The following KCNQ3 variants were observed in gnomAD, a reference collection of about 807,000 sequenced individuals.
The protein encoded by KCNQ3 is potassium voltage-gated channel subfamily Q member 3.
A neutral mutation model predicts 92.5 loss-of-function variants in KCNQ3; 30 were observed. The observed-to-expected ratio is 0.32, with a 90% CI of 0.24 to 0.44. The LOEUF (loss-of-function observed/expected upper bound fraction) is 0.44. Ranked by LOEUF, KCNQ3 falls within the 20% of genes least tolerant of loss-of-function variation. KCNQ3 has a pLI of 1.00. For missense variants in KCNQ3, 913 were observed against 1,140.3 expected, an observed-to-expected ratio of 0.80 and a Z score of 2.87; for synonymous variants, 450 against 468.8, an observed-to-expected ratio of 0.96 and a Z score of 0.52.
intron 1 of KCNQ3, among the ~76,000 whole-genome samples, chr8:132,461,606 A>G (rs1822063697): frequency 6.6e-6 from 1 of 152,218 alleles, no homozygotes; most frequent in Non-Finnish European, 1.5e-5. Context: ...ACTGCCTTCC[A>G]GGGTGCCTGT....
chr8:132,415,623 C>T (rs1030976440), intron 1 of KCNQ3, among the ~76,000 whole-genome samples: 4 of 152,242 alleles, frequency 2.6e-5, no homozygotes, highest in Admixed American at 2.0e-4. Context: ...TCTCTGACTA[C>T]GAATGTCTCA....
At chr8:132,306,863 A>G (rs1034664507) in intron 1 of KCNQ3, among the ~76,000 whole-genome samples, 1 of 152,160 alleles carries the variant, frequency 6.6e-6, no homozygotes, top group Non-Finnish European at 1.5e-5. Context: ...ATTTTTTTAT[A>G]TCTTAAGTTG....
At chr8:132,138,682 G>A (rs891249705) in intron 11 of KCNQ3, among the ~76,000 whole-genome samples, 1 of 152,118 alleles carries the variant, frequency 6.6e-6, no homozygotes, top group Non-Finnish European at 1.5e-5. Context: ...GTTAACTTCT[G>A]TTGAGCACAG....
At position 132,129,483 on chromosome 8, in the gene KCNQ3, G is replaced by A. The variant is rs1263025120; in HGVS notation, c.2398C>T (p.Leu800=). ...LSLMSVNHEE[L]ERSPSGFSIS... is the part of the protein sequence containing the mutation. ...CTGAAGCCACTTGGAGACCTCTCCA[G>A]CTCCTCGTGGTTGACCGACATCAGG... The change falls in exon 15 of 15, where the codon CTG becomes TTG. Residue 800 remains leucine (L), a synonymous_variant. Coordinates refer to ENST00000388996, the MANE Select transcript of KCNQ3 (RefSeq NM_004519.4). This position sits in a 1 kb window ranked among gnomAD's most constrained non-coding sequence, Gnocchi z 5.9. The A allele has an allele frequency of 3.1e-6, 5 of 1,614,072 alleles. No individual in the cohort carries two copies. In the African/African-American group the frequency reaches 5.3e-5, roughly 17 times the overall value.
At chr8:132,297,536 T>C (rs112684531) in intron 1 of KCNQ3, among the ~76,000 whole-genome samples, 3 of 152,358 alleles carry the variant, frequency 2.0e-5, no homozygotes, top group African/African-American at 7.2e-5. Context: ...CCTAGAGCCT[T>C]TCCCACTACA....
At chr8:132,366,338 G>T (rs1477811159) in intron 1 of KCNQ3, among the ~76,000 whole-genome samples, 2 of 152,010 alleles carry the variant, frequency 1.3e-5, no homozygotes, top group African/African-American at 2.4e-5. Flanking sequence ...TCTCTTAGTA[G>T]TACATTTTAC....
intron 1 of KCNQ3, among the ~76,000 whole-genome samples, chr8:132,186,803 T>G (rs58750092): frequency 0.07 from 10,694 of 152,166 alleles, 538 homozygotes; most frequent in African/African-American, 0.13. Flanking sequence ...AGAATGCTGG[T>G]CCTTTAAAAT....
At chr8:132,473,616 T>C (rs1014079216) in intron 1 of KCNQ3, among the ~76,000 whole-genome samples, 6 of 152,224 alleles carry the variant, frequency 3.9e-5, no homozygotes, top group Non-Finnish European at 8.8e-5. Context: ...TGAATGCTTC[T>C]TCCATGTAAA....
intron 1 of KCNQ3, among the ~76,000 whole-genome samples, chr8:132,366,097 T>C (rs1819315807): frequency 6.6e-6 from 1 of 152,238 alleles, no homozygotes; most frequent in African/African-American, 2.4e-5. Context: ...ACCTTTATCT[T>C]GCTGAGGCTT....
intron 1 of KCNQ3, among the ~76,000 whole-genome samples, chr8:132,373,383 A>G (rs1819527086): frequency 6.6e-6 from 1 of 152,166 alleles, no homozygotes. Flanking sequence ...TTAAAACGCT[A>G]CCAGATATTA....
chr8:132,194,786 C>T (rs543324395), intron 1 of KCNQ3, among the ~76,000 whole-genome samples: 2 of 152,298 alleles, frequency 1.3e-5, no homozygotes, highest in East Asian at 3.9e-4. Context: ...TAAGAAGGAC[C>T]TATTATTCTT....
At chr8:132,145,446 A>T (rs1825423013) in intron 9 of KCNQ3, among the ~76,000 whole-genome samples, 3 of 152,246 alleles carry the variant, frequency 2.0e-5, no homozygotes, top group Admixed American at 6.5e-5. Context: ...TCTGTAGTTT[A>T]TATTTCACTT....
intron 1 of KCNQ3, among the ~76,000 whole-genome samples, chr8:132,263,352 TG>T (rs1815855223): frequency 6.6e-6 from 1 of 152,218 alleles, no homozygotes; most frequent in East Asian, 1.9e-4. Flanking sequence ...TCTCTGGGCC[TG>T]GGGCCCTGAT....
intron 1 of KCNQ3, among the ~76,000 whole-genome samples, chr8:132,339,871 T>G (rs1268597376): frequency 1.3e-5 from 2 of 151,268 alleles, no homozygotes; most frequent in African/African-American, 4.9e-5. Context: ...ATTGGAAGAT[T>G]TATAAACCCA....
At chr8:132,444,216 G>A (rs1821615928) in intron 1 of KCNQ3, among the ~76,000 whole-genome samples, 1 of 152,138 alleles carries the variant, frequency 6.6e-6, no homozygotes, top group South Asian at 2.1e-4. Context: ...TTTATCTCAT[G>A]TGATTTAGCT....
At chr8:132,281,816 G>A (rs1214686901) in intron 1 of KCNQ3, among the ~76,000 whole-genome samples, 2 of 152,100 alleles carry the variant, frequency 1.3e-5, no homozygotes, top group Admixed American at 6.6e-5. Flanking sequence ...ACTGCCTACG[G>A]GGTGGAGCCC....
chr8:132,253,160 A>C (rs556386348), intron 1 of KCNQ3, among the ~76,000 whole-genome samples: 2 of 152,328 alleles, frequency 1.3e-5, no homozygotes, highest in African/African-American at 4.8e-5. Context: ...GGAACTGTGC[A>C]AGGGAGATTT....
At chr8:132,396,367 C>T (rs1820194130) in intron 1 of KCNQ3, among the ~76,000 whole-genome samples, 2 of 150,670 alleles carry the variant, frequency 1.3e-5, no homozygotes, top group Admixed American at 1.3e-4. Context: ...TCCACTTATA[C>T]TGCAAAGAAA....
intron 1 of KCNQ3, among the ~76,000 whole-genome samples, chr8:132,408,553 G>A (rs1247490837): frequency 6.6e-6 from 1 of 152,198 alleles, no homozygotes; most frequent in Admixed American, 6.5e-5. Flanking sequence ...ATGAAAGTGA[G>A]CAAGACTTGT....
Sources: allele counts gnomAD v4.1 joint callset (sites outside exome capture counted in the v4.1 genomes callset), GRCh38; gene constraint gnomAD v4.1.1; non-coding constraint Gnocchi (gnomAD v3.1); transcripts MANE v1.5; gene names NCBI Gene and HGNC (gene_info 2026-07-23, HGNC 2026-07-21).